FRMD3: variants seen among roughly 807,000 people sequenced by gnomAD.
FRMD3 encodes the protein FERM domain-containing protein 3.
FRMD3 carries 33 observed loss-of-function variants against 70.2 expected under a neutral mutation model. The observed-to-expected ratio is 0.47, with a 90% CI of 0.36 to 0.63. The LOEUF is 0.63. FRMD3 is among the 20% of genes least tolerant of loss of function. The pLI is 0.00. For missense variants in FRMD3, 632 were observed against 711.4 expected (o/e 0.89, Z 1.27); for synonymous variants, 279 against 255.9 (o/e 1.09, Z -0.86).
intron 1 of FRMD3, among the ~76,000 whole-genome samples, chr9:83,440,688 C>T (rs912469493): frequency 7.2e-5 from 11 of 152,208 alleles, no homozygotes; most frequent in Non-Finnish European, 1.3e-4. Context: ...ATTTAGTTAG[C>T]AGACAGACTG....
chr9:83,429,789 C>T (rs114156161), intron 1 of FRMD3, among the ~76,000 whole-genome samples: 71 of 152,238 alleles, frequency 4.7e-4, no homozygotes, highest in African/African-American at 1.6e-3. Flanking sequence ...CCTGGGTCTT[C>T]GTCTCTTGTC....
chr9:83,572,904 ATT>A, the FRMD3 span, among the ~76,000 whole-genome samples: 1 of 152,232 alleles, frequency 6.6e-6, no homozygotes, highest in African/African-American at 2.4e-5. Flanking sequence ...TTTTCCTGTT[ATT>A]GAAGCAACAA....
intron 1 of FRMD3, among the ~76,000 whole-genome samples, chr9:83,487,855 C>T (rs1828722196): frequency 6.6e-6 from 1 of 152,100 alleles, no homozygotes; most frequent in Non-Finnish European, 1.5e-5. Context: ...ACTCAAGGAT[C>T]CAACAACCCA....
intron 1 of FRMD3, among the ~76,000 whole-genome samples, chr9:83,458,000 C>CAAAAAA (rs10555580): frequency 2.3e-5 from 2 of 87,950 alleles, no homozygotes; most frequent in African/African-American, 4.5e-5. Context: ...TATTACCTCT[C>CAAAAAA]AAAAAAAAAA....
chr9:83,547,144 AC>A, the FRMD3 span, among the ~76,000 whole-genome samples: 1 of 150,386 alleles, frequency 6.6e-6, no homozygotes, highest in Non-Finnish European at 1.5e-5. Context: ...CGTTAGGACA[AC>A]TTTAAATCAA....
intron 1 of FRMD3, among the ~76,000 whole-genome samples, chr9:83,437,095 C>T (rs2131386487): frequency 6.6e-6 from 1 of 152,328 alleles, no homozygotes; most frequent in African/African-American, 2.4e-5. Flanking sequence ...TCCAAGGTGA[C>T]ACGGAGTCTT....
intron 1 of FRMD3, among the ~76,000 whole-genome samples, chr9:83,472,539 G>GA (rs976710669): frequency 6.6e-5 from 10 of 152,238 alleles, no homozygotes; most frequent in African/African-American, 2.2e-4. Context: ...CAGGAAAGTA[G>GA]AACACCACCC....
chr9:83,451,647 C>T (rs922191040), intron 1 of FRMD3, among the ~76,000 whole-genome samples: 1 of 152,050 alleles, frequency 6.6e-6, no homozygotes, highest in African/African-American at 2.4e-5. Context: ...TATGACCAGG[C>T]AAGAAAGTGA....
intron 1 of FRMD3, among the ~76,000 whole-genome samples, chr9:83,396,098 G>T (rs1474096029): frequency 6.6e-6 from 1 of 152,182 alleles, no homozygotes; most frequent in Non-Finnish European, 1.5e-5. Context: ...GAAATTCTGT[G>T]TTTGTTTACA....
chr9:83,254,130 G>C (rs963756082), intron 13 of FRMD3, among the ~76,000 whole-genome samples: 2 of 151,916 alleles, frequency 1.3e-5, no homozygotes, highest in African/African-American at 4.8e-5. Context: ...TAGGGGGAAG[G>C]GGGAGGGATA....
At chr9:83,408,306 C>A (rs184297685) in intron 1 of FRMD3, among the ~76,000 whole-genome samples, 4 of 152,290 alleles carry the variant, frequency 2.6e-5, no homozygotes, top group Non-Finnish European at 5.9e-5. Flanking sequence ...TGGATGTGCT[C>A]TGTGTTGGCA....
At chr9:83,418,240 C>T (rs922108210) in intron 1 of FRMD3, among the ~76,000 whole-genome samples, 6 of 151,794 alleles carry the variant, frequency 4.0e-5, no homozygotes, top group Non-Finnish European at 8.8e-5. Context: ...TGACTAAGAC[C>T]CCAAAAGCAA....
At chr9:83,377,478 A>T (rs547413363) in intron 2 of FRMD3, among the ~76,000 whole-genome samples, 9 of 152,058 alleles carry the variant, frequency 5.9e-5, no homozygotes, top group Admixed American at 4.6e-4. Context: ...GTAATCCCCA[A>T]TGTTGGAGGT....
At chr9:83,355,251 A>G (rs898647987) in intron 3 of FRMD3, among the ~76,000 whole-genome samples, 1 of 152,210 alleles carries the variant, frequency 6.6e-6, no homozygotes, top group Non-Finnish European at 1.5e-5. Flanking sequence ...TCTGTGCCAA[A>G]CATTTGGTGC....
chr9:83,350,845 T>A, intron 3 of FRMD3: 1 of 627,698 alleles, frequency 1.6e-6, no homozygotes, highest in Non-Finnish European at 2.0e-6. Context: ...GATCTTCCAT[T>A]ATAAGATCAC....
chr9:83,490,008 A>G (rs1828780050), intron 1 of FRMD3, among the ~76,000 whole-genome samples: 1 of 152,184 alleles, frequency 6.6e-6, no homozygotes, highest in African/African-American at 2.4e-5. Flanking sequence ...TTCCTGCCCT[A>G]GAGAACTTGA....
At chr9:83,331,706 T>C in intron 6 of FRMD3, 1 of 642,014 alleles carries the variant, frequency 1.6e-6, no homozygotes, top group African/African-American at 1.8e-5. Flanking sequence ...AGAGGAAATC[T>C]CTGTGCCTTC....
chr9:83,557,222 T>C, the FRMD3 span, among the ~76,000 whole-genome samples: 1 of 152,190 alleles, frequency 6.6e-6, no homozygotes, highest in Non-Finnish European at 1.5e-5. Flanking sequence ...ATATTTGCAG[T>C]TATCAAATGA....
chr9:83,313,637 G>C, intron 7 of FRMD3, 23 bp downstream of exon 7: 1 of 1,576,912 alleles, frequency 6.3e-7, no homozygotes, highest in South Asian at 1.1e-5. Flanking sequence ...ATTATATGGT[G>C]ACCTGCTGTG....
Sources: allele counts gnomAD v4.1 joint callset (sites outside exome capture counted in the v4.1 genomes callset), GRCh38; gene constraint gnomAD v4.1.1; transcripts MANE v1.5; gene names NCBI Gene and HGNC (gene_info 2026-07-23, HGNC 2026-07-21).